OSBPL5: variants seen among roughly 807,000 people sequenced by gnomAD.
OSBPL5 encodes the protein oxysterol-binding protein-related protein 5.
In OSBPL5, 71 loss-of-function variants were observed where a neutral mutation model predicts 111.2. The observed-to-expected ratio is 0.64, with a 90% confidence interval of 0.53 to 0.78. The LOEUF is 0.78. Ranked by LOEUF, OSBPL5 falls within the 30% of genes least tolerant of loss-of-function variation. OSBPL5 has a pLI of 0.00. For missense variants in OSBPL5, 1,210 were observed against 1,189.3 expected, an observed-to-expected ratio of 1.02 and a Z score of -0.26; for synonymous variants, 549 against 513.9, an observed-to-expected ratio of 1.07 and a Z score of -0.93.
intron 16 of OSBPL5, 28 bp downstream of exon 16, chr11:3,093,718 G>T: frequency 1.2e-6 from 2 of 1,612,590 alleles, no homozygotes; most frequent in Non-Finnish European, 8.5e-7. Context: ...CCGCCCGGCC[G>T]TGCCTGCCCT....
rs1217458730 is a variant in OSBPL5 at position 3,092,691 on chromosome 11, G to C, written c.2133-133C>G. ...AATGACCACTGCCCACACCCCATGG[G>C]CAGGGCCTGCAGTAAGGACTGATGA... On this transcript the variant is annotated intron_variant, in intron 18 of 21. Transcript: ENST00000263650. The surrounding 1 kb of genome is among the most constrained non-coding windows in gnomAD (Gnocchi z 5.4). 1.5e-6 allele frequency: 2 copies of C among 1,354,028 alleles called. No homozygotes were observed. Among genetic ancestry groups the C allele is most frequent in the African/African-American group, 2.9e-5 (2 of 68,004 alleles). The allele number at this position is 1,354,028 out of a possible 1,614,324, so 83.9% of individuals were successfully genotyped here.
intron 1 of OSBPL5, among the ~76,000 whole-genome samples, chr11:3,143,005 CAGAGG>C (rs1846179142): frequency 1.3e-5 from 1 of 77,154 alleles, no homozygotes; most frequent in Non-Finnish European, 2.7e-5. Flanking sequence ...GAGGCAGGTG[CAGAGG>C]GGGGCAGAGG....
At position 3,107,201 on chromosome 11, in the gene OSBPL5, C is replaced by T; in HGVS notation, c.1059+62G>A. 1 of 1,562,396 alleles carries T rather than the reference C, an allele frequency of 6.4e-7. No homozygotes were observed. The highest frequency in any genetic ancestry group is 1.9e-5 in the Admixed American group (1 of 52,102). ...CTAGGATGAGGCATGGCTACCTCTG[C>T]TTCCGGAACAAGGGGCCGAGGCAGG... On this transcript the variant is annotated intron_variant, in intron 9 of 21. Transcript: ENST00000263650. The surrounding 1 kb of genome is among the most constrained non-coding windows in gnomAD (Gnocchi z 6.1).
At position 3,121,957 on chromosome 11, in the gene OSBPL5, G is replaced by C; in HGVS notation, c.402+40C>G. 1 of 1,508,086 alleles carries C rather than the reference G, an allele frequency of 6.6e-7. No homozygotes were observed. The highest frequency in any genetic ancestry group is 8.9e-7 in the Non-Finnish European group (1 of 1,119,014). 93.4% of individuals were successfully genotyped at this position (1,508,086 alleles called of 1,614,324 possible). On this transcript the variant is annotated intron_variant, in intron 5 of 21. Transcript: ENST00000263650. This position sits in a 1 kb window ranked among gnomAD's most constrained non-coding sequence, Gnocchi z 4.3. ...TCCTTTGTTATGGCAGCAGCACGCTGACCCGTGTCCTGGGTGGCCGGAGGC... is the reference window on the plus strand; with the variant it reads ...TCCTTTGTTATGGCAGCAGCACGCTCACCCGTGTCCTGGGTGGCCGGAGGC...
chr11:3,128,672 T>C (rs1376373002), intron 2 of OSBPL5, among the ~76,000 whole-genome samples: 1 of 152,082 alleles, frequency 6.6e-6, no homozygotes, highest in Non-Finnish European at 1.5e-5. Context: ...GGGGTTACCC[T>C]GCCAGGACTG....
At chr11:3,148,348 C>T (rs1846439297) in intron 1 of OSBPL5, among the ~76,000 whole-genome samples, 1 of 152,250 alleles carries the variant, frequency 6.6e-6, no homozygotes, top group Non-Finnish European at 1.5e-5. Flanking sequence ...CCACCCCTGA[C>T]CTGGGGAGGC....
chr11:3,142,727 C>A lies in OSBPL5; in HGVS notation c.-21-13558G>T, dbSNP rs12273372. ...CCTCTGTCTCCGTGTCCGCGGGGCC[C>A]GGCAGGAAGTCGTGTGCAGGGGTGG... On this transcript the variant is annotated intron_variant, in intron 1 of 21. Coordinates refer to ENST00000263650, the MANE Select transcript of OSBPL5 (RefSeq NM_020896.4). This position sits in a 1 kb window ranked among gnomAD's most constrained non-coding sequence, Gnocchi z 7.1. 6.6e-6 allele frequency among the ~76,000 whole-genome samples: 1 copy of A among 151,882 alleles called. No individual in the cohort carries two copies. The highest frequency in any genetic ancestry group is 2.1e-4 in the South Asian group (1 of 4,808).
chr11:3,092,831 C>T lies in OSBPL5; in HGVS notation c.2132+36G>A, dbSNP rs1261741484. 1 of 1,498,966 alleles carries T rather than the reference C, an allele frequency of 6.7e-7. No homozygotes were observed. Among genetic ancestry groups the T allele is most frequent in the East Asian group, 2.5e-5 (1 of 40,230 alleles). The allele number at this position is 1,498,966 out of a possible 1,614,324, so 92.9% of individuals were successfully genotyped here. On this transcript the variant is annotated intron_variant, in intron 18 of 21. Coordinates refer to ENST00000263650, the MANE Select transcript of OSBPL5 (RefSeq NM_020896.4). This position sits in a 1 kb window ranked among gnomAD's most constrained non-coding sequence, Gnocchi z 5.4. ...CTCAGCCCGTCTGCTAGGCCCAGCC[C>T]CACCCTGTGGCCCCCAGGGCTTTGT...
Position 3,104,157 on chromosome 11 carries a change from C to T in OSBPL5, c.1244+36G>A, listed in dbSNP as rs777229718. 82 of 1,575,552 alleles carry T rather than the reference C, an allele frequency of 5.2e-5. No homozygotes were observed. The highest frequency in any genetic ancestry group is 6.8e-5 in the Non-Finnish European group (79 of 1,155,570). On this transcript the variant is annotated intron_variant, in intron 10 of 21. Transcript: ENST00000263650. The surrounding 1 kb of genome is among the most constrained non-coding windows in gnomAD (Gnocchi z 5.0). ...TGCAGGGTCTCATGCAGATGCAGGA[C>T]GAGGTGTGGGGTGCCCCTCCCGGCA...
intron 2 of OSBPL5, among the ~76,000 whole-genome samples, chr11:3,128,201 G>C (rs1041768290): frequency 6.6e-6 from 1 of 152,182 alleles, no homozygotes; most frequent in African/African-American, 2.4e-5. Flanking sequence ...TGGTGGATCC[G>C]CCCAATGCTC....
rs1218246140 is a variant in OSBPL5, at chr11:3,129,014, T to C, written c.135A>G (p.Pro45=). 2 of 1,570,776 alleles carry C rather than the reference T, an allele frequency of 1.3e-6. No homozygotes were observed. Among genetic ancestry groups the C allele is most frequent in the Non-Finnish European group, 1.7e-6 (2 of 1,159,756 alleles). ...GCCCTGCCCACGGCCGGCACTTACC[T>C]GGGCTGAGTGGGTAGAGCTCATTGT... is the stretch of plus-strand genomic sequence containing the variant. ...SGDNELYPLS[P]GKDMEPNGPS... is the part of the protein sequence containing the mutation. Residue 45 remains proline (P), a splice_region_variant and synonymous_variant, in exon 2 of 22, where the codon CCA becomes CCG. Transcript: ENST00000263650.
intron 14 of OSBPL5, among the ~76,000 whole-genome samples, chr11:3,097,003 A>G (rs1425763284): frequency 1.2e-4 from 5 of 42,136 alleles, no homozygotes; most frequent in Non-Finnish European, 9.5e-5. Flanking sequence ...AGAAGAGGAA[A>G]GAGGGGGAAG....
rs1331205071 is a variant in OSBPL5 at position 3,089,929 on chromosome 11, A to G, written c.2418T>C (p.Pro806=). ...GCCGCCGCGCCTCCTTCCTGCACCG[A>G]GGGCATGGGCTCTCACCGCCTGGGA... is the stretch of plus-strand genomic sequence containing the variant. ...DFVPGGESPC[P]RCRKEARRLQ... is the part of the protein sequence containing the mutation. The change falls in exon 21 of 22, where the codon CCT becomes CCC. Residue 806 remains proline (P), a synonymous_variant. Transcript: ENST00000263650. 1.3e-6 allele frequency: 2 copies of G among 1,559,478 alleles called. No individual in the cohort carries two copies. Among genetic ancestry groups the G allele is most frequent in the Non-Finnish European group, 1.7e-6 (2 of 1,151,890 alleles).
chr11:3,103,880 GTAGCCCCATTC>G (rs1857597763), intron 10 of OSBPL5, among the ~76,000 whole-genome samples: 1 of 22,038 alleles, frequency 4.5e-5, no homozygotes, highest in Non-Finnish European at 1.1e-4. Context: ...TCCTGCCTCT[GTAGCCCCATTC>G]CTGCCTCTGC....
At position 3,110,114 on chromosome 11, in the gene OSBPL5, G is replaced by A. The variant is rs1042913228; in HGVS notation, c.692-2169C>T. On this transcript the variant is annotated intron_variant, in intron 7 of 21. Coordinates refer to ENST00000263650, the MANE Select transcript of OSBPL5 (RefSeq NM_020896.4). The surrounding 1 kb of genome is among the most constrained non-coding windows in gnomAD (Gnocchi z 5.3). The stretch of plus-strand genomic sequence containing the variant: ...TGGCCCAGGAAGGAGCATGGATGTG[G>A]CATCTGACCACCAGGGGTGATGTGG... 2.0e-5 allele frequency among the ~76,000 whole-genome samples: 3 copies of A among 152,198 alleles called. No homozygotes were observed. Among genetic ancestry groups the A allele is most frequent in the African/African-American group, 7.2e-5 (3 of 41,440 alleles).
intron 15 of OSBPL5, 113 bp downstream of exon 15, chr11:3,094,124 T>C (rs9795009): frequency 0.8 from 813,267 of 1,016,020 alleles, 326,549 homozygotes; most frequent in Admixed American, 0.88. Context: ...CTGCTCCCCT[T>C]ATGTGCACTG....
chr11:3,163,429 C>G (rs1196619297), intron 1 of OSBPL5, among the ~76,000 whole-genome samples: 1 of 145,244 alleles, frequency 6.9e-6, no homozygotes, highest in African/African-American at 2.6e-5. Context: ...CGTTACATGT[C>G]AGATTACTAT....
rs1211423012 is a variant in OSBPL5, at chr11:3,103,557, T to C, written c.1245-237A>G. Among the ~76,000 whole-genome samples the C allele has an allele frequency of 2.0e-5, 3 of 152,176 alleles. No homozygotes were observed. The South Asian group carries it at 6.2e-4, about 31-fold the overall frequency. ...TGGGGCAGAGAGGACACTGCTGACC[T>C]GGGCTGCCAGGGTGCCCCTGTCTCC... On this transcript the variant is annotated intron_variant, in intron 10 of 21. Coordinates refer to ENST00000263650, the MANE Select transcript of OSBPL5 (RefSeq NM_020896.4).
intron 14 of OSBPL5, among the ~76,000 whole-genome samples, chr11:3,096,609 ACT>A (rs979411213): frequency 3.3e-5 from 3 of 91,102 alleles, no homozygotes; most frequent in East Asian, 6.7e-4. Context: ...ACACAGCAAG[ACT>A]CTGTCAAAAA....
Sources: gnomAD v4.1 joint callset for allele counts (sites outside exome capture counted in the v4.1 genomes callset) on GRCh38, gnomAD v4.1.1 for gene constraint, Gnocchi (gnomAD v3.1) non-coding constraint, MANE v1.5 for transcripts, NCBI Gene and HGNC (gene_info 2026-07-23, HGNC 2026-07-21) for gene names.